ZMYM5: variants seen among roughly 807,000 people sequenced by gnomAD.
ZMYM5 encodes the protein zinc finger MYM-type containing 5.
In ZMYM5, 41 loss-of-function variants were observed where a neutral mutation model predicts 61.8. The ratio of observed to expected loss-of-function variants is 0.66; its 90% confidence interval spans 0.52 to 0.86. The LOEUF is 0.86. Among genes scored for constraint, ZMYM5 ranks in the 40% least tolerant of loss-of-function variants. The pLI is 0.00. For missense variants in ZMYM5, 706 were observed against 786.7 expected (o/e 0.90, Z 1.23); for synonymous variants, 257 against 276.4 (o/e 0.93, Z 0.70).
chr13:19,863,216 CGGCCCCGCG>C (rs1443595297), intron 1 of ZMYM5, among the ~76,000 whole-genome samples: 22 of 151,290 alleles, frequency 1.5e-4, no homozygotes, highest in African/African-American at 5.3e-4. Flanking sequence ...GCCTCCCCGC[CGGCCCCGCG>C]ACCTCCGCCG....
intron 7 of ZMYM5, among the ~76,000 whole-genome samples, chr13:19,833,937 C>T (rs1952595472): frequency 1.3e-5 from 2 of 152,150 alleles, no homozygotes; most frequent in Non-Finnish European, 2.9e-5. Flanking sequence ...CCCAGGAGTT[C>T]GAGACCAGCC....
In ZMYM5 at chr13:19,858,203, T is replaced by TA. The variant is rs1211933155; in HGVS notation, c.-11+4195dup. ...CAGAGTTAGACCTGTCTCTAAAAAT[T>TA]AAAAAAAAAAAACAAAAAAACCACA... On this transcript the variant is annotated intron_variant, in intron 2 of 7. Transcript: ENST00000337963. Among the ~76,000 whole-genome samples, 675 of 121,956 alleles carry TA rather than the reference T, an allele frequency of 5.5e-3. 2 individuals are homozygous for TA. Among genetic ancestry groups the TA allele is most frequent in the East Asian group, 0.014 (58 of 4,098 alleles). The allele number at this position is 121,956 out of a possible 152,430, so 80.0% of individuals were successfully genotyped here.
chr13:19,844,647 A>C (rs946411686), intron 4 of ZMYM5, among the ~76,000 whole-genome samples: 1 of 152,102 alleles, frequency 6.6e-6, no homozygotes. Flanking sequence ...TTTGAGATGG[A>C]GTTTCGCTCT....
At chr13:19,831,588 G>A (rs967051399) in intron 7 of ZMYM5, among the ~76,000 whole-genome samples, 1 of 151,666 alleles carries the variant, frequency 6.6e-6, no homozygotes, top group Non-Finnish European at 1.5e-5. Context: ...CTGAAGTCAG[G>A]AGTTCAAGAC....
chr13:19,851,292 T>TA, intron 4 of ZMYM5, 63 bp downstream of exon 4: 1 of 1,181,382 alleles, frequency 8.5e-7, no homozygotes, highest in Admixed American at 2.0e-5. Flanking sequence ...ATATGAGCTT[T>TA]ACTAAAAAGA....
intron 4 of ZMYM5, among the ~76,000 whole-genome samples, chr13:19,840,148 C>T (rs180670887): frequency 1.1e-3 from 172 of 152,276 alleles, no homozygotes; most frequent in African/African-American, 3.9e-3. Context: ...TCTTCAAAAA[C>T]AGCTTTTGGA....
intron 7 of ZMYM5, among the ~76,000 whole-genome samples, chr13:19,826,463 T>C (rs977830897): frequency 5.3e-5 from 8 of 152,066 alleles, no homozygotes; most frequent in African/African-American, 1.4e-4. Flanking sequence ...AATAAAAATA[T>C]ATGGACACAC....
rs181307715 is a variant in ZMYM5, at chr13:19,838,438, G to C, written c.872+262C>G. On this transcript the variant is annotated intron_variant, in intron 5 of 7. Transcript: ENST00000337963. ...ATTCATAGAACTAAGGTGTTAAGAT[G>C]GGGGAGCAGGGGAGGCAAATGTAGT... Among the ~76,000 whole-genome samples the C allele has an allele frequency of 6.6e-5, 10 of 152,260 alleles. No homozygotes were observed. The East Asian group carries it at 1.3e-3, about 21-fold the overall frequency.
Position 19,835,671 on chromosome 13 carries a change from C to T in ZMYM5, c.1057G>A (p.Val353Ile), listed in dbSNP as rs566948933. Residue 353 changes from valine (V) to isoleucine (I), a missense_variant, in exon 7 of 8, where the codon GTA becomes ATA. Physicochemically the swap from Val to Ile is conservative, Grantham distance 29. Transcript: ENST00000337963. Reference protein sequence around the residue: ...KLAEIRHEVSVNNVTHKLCSN... With the variant: ...KLAEIRHEVSINNVTHKLCSN... ...CACAGTTTATGTGTTACATTATTTA[C>T]GCTGACTTCATGGCGAATCTAAAAG... 33 of 1,367,514 alleles carry T rather than the reference C, an allele frequency of 2.4e-5. No homozygotes were observed. The highest frequency in any genetic ancestry group is 2.1e-4 in the Middle Eastern group (1 of 4,768). The allele number at this position is 1,367,514 out of a possible 1,614,324, so 84.7% of individuals were successfully genotyped here.
chr13:19,841,199 G>A (rs949685360), intron 4 of ZMYM5, among the ~76,000 whole-genome samples: 1 of 151,412 alleles, frequency 6.6e-6, no homozygotes, highest in African/African-American at 2.4e-5. Flanking sequence ...TCCTGACCTC[G>A]TGATCTGCCC....
chr13:19,852,764 T>C (rs1377081114), intron 2 of ZMYM5, among the ~76,000 whole-genome samples: 2 of 152,132 alleles, frequency 1.3e-5, no homozygotes, highest in Non-Finnish European at 2.9e-5. Context: ...TAATTTACTC[T>C]TATAGTTCAA....
At chr13:19,826,376 A>G (rs1021712854) in intron 7 of ZMYM5, among the ~76,000 whole-genome samples, 11 of 151,882 alleles carry the variant, frequency 7.2e-5, no homozygotes, top group African/African-American at 2.7e-4. Context: ...AAAAAAATGA[A>G]ACTGGAAGTT....
In ZMYM5 at chr13:19,824,828, A is replaced by C; in HGVS notation, c.1659T>G (p.Asp553Glu). 5 of 1,351,110 alleles carry C rather than the reference A, an allele frequency of 3.7e-6. No homozygotes were observed. Among genetic ancestry groups the C allele is most frequent in the Non-Finnish European group, 4.9e-6 (5 of 1,012,526 alleles). The allele number at this position is 1,351,110 out of a possible 1,614,324, so 83.7% of individuals were successfully genotyped here. Residue 553 changes from aspartate (D) to glutamate (E), a missense_variant, in exon 8 of 8, where the codon GAT becomes GAG. This residue lies in a region of ZMYM5 where 226 missense variants were observed against 325.0 expected (regional missense o/e 0.70). Coordinates refer to ENST00000337963, the MANE Select transcript of ZMYM5 (RefSeq NM_001142684.2). Reference sequence around the variant, plus strand: ...TTTCTGAAAACTTCCTCCCTGTATTATCTTTTGGAAAGTTAAAATTTCTTA... The same window carrying C: ...TTTCTGAAAACTTCCTCCCTGTATTCTCTTTTGGAAAGTTAAAATTTCTTA... Reference protein sequence around the residue: ...PQVRNFNFPKDNTGRKFSETY... With the variant: ...PQVRNFNFPKENTGRKFSETY...
At chr13:19,854,968 T>C (rs1011021001) in intron 2 of ZMYM5, among the ~76,000 whole-genome samples, 1 of 152,172 alleles carries the variant, frequency 6.6e-6, no homozygotes, top group Non-Finnish European at 1.5e-5. Flanking sequence ...AGCCAATTCA[T>C]TACAATAACA....
chr13:19,834,945 A>G (rs1189900356), intron 7 of ZMYM5, among the ~76,000 whole-genome samples: 1 of 151,812 alleles, frequency 6.6e-6, no homozygotes, highest in African/African-American at 2.4e-5. Context: ...TGCCTTGGCC[A>G]AAGTGCTGGG....
At chr13:19,827,518 T>G (rs1197090188) in intron 7 of ZMYM5, among the ~76,000 whole-genome samples, 1 of 152,168 alleles carries the variant, frequency 6.6e-6, no homozygotes, top group African/African-American at 2.4e-5. Context: ...AAACAGACCA[T>G]TTAGATGTTG....
Position 19,851,345 on chromosome 13 carries a change from T to C in ZMYM5, c.586+10A>G. 1 of 1,609,500 alleles carries C rather than the reference T, an allele frequency of 6.2e-7. No homozygotes were observed. Among genetic ancestry groups the C allele is most frequent in the Non-Finnish European group, 8.5e-7 (1 of 1,175,780 alleles). On this transcript the variant is annotated intron_variant, in intron 4 of 7. Transcript: ENST00000337963. ...TACTTGAGGTAGAAACAGTATCACT[T>C]ACTGCTTACCAGGACTATGATGAGT... is the stretch of plus-strand genomic sequence containing the variant.
intron 4 of ZMYM5, among the ~76,000 whole-genome samples, chr13:19,846,670 T>C (rs1460622388): frequency 6.6e-6 from 1 of 151,930 alleles, no homozygotes; most frequent in Non-Finnish European, 1.5e-5. Flanking sequence ...CAATGCACAA[T>C]GTTATTAATA....
intron 4 of ZMYM5, among the ~76,000 whole-genome samples, chr13:19,851,029 T>C (rs187192031): frequency 1.3e-5 from 2 of 152,050 alleles, no homozygotes; most frequent in Non-Finnish European, 2.9e-5. Flanking sequence ...GTCAACATGG[T>C]GAAACCCTAT....
Sources: allele counts gnomAD v4.1 joint callset (sites outside exome capture counted in the v4.1 genomes callset), GRCh38; gene constraint gnomAD v4.1.1; regional missense constraint gnomAD v4.1.1; transcripts MANE v1.5; gene names NCBI Gene and HGNC (gene_info 2026-07-23, HGNC 2026-07-21).